NCALD: variants seen among roughly 807,000 people sequenced by gnomAD.
NCALD encodes neurocalcin delta.
NCALD carries 10 observed loss-of-function variants against 18.6 expected under a neutral mutation model. That is an observed-to-expected ratio of 0.54 (90% CI 0.33 to 0.91). The LOEUF is 0.91. Ranked by LOEUF, NCALD falls within the 40% of genes least tolerant of loss-of-function variation. The pLI, the probability that NCALD is intolerant of heterozygous loss-of-function variation, is 0.03. For synonymous variants in NCALD, 88 were observed against 87.4 expected (o/e 1.01, Z -0.04); for missense variants, 184 against 247.6 (o/e 0.74, Z 1.72).
intron 3 of NCALD, among the ~76,000 whole-genome samples, chr8:101,900,978 A>G (rs1349952593): frequency 6.6e-6 from 1 of 151,956 alleles, no homozygotes; most frequent in South Asian, 2.1e-4. Flanking sequence ...TTTCAGTTCT[A>G]TCAGTTTTGT....
At chr8:101,756,707 G>T (rs1376268008) in intron 1 of NCALD, among the ~76,000 whole-genome samples, 1 of 152,242 alleles carries the variant, frequency 6.6e-6, no homozygotes, top group Non-Finnish European at 1.5e-5. Flanking sequence ...ACTGCCGTTT[G>T]TGAGTGGTTC....
At chr8:101,797,004 C>A (rs189226806) in intron 4 of NCALD, among the ~76,000 whole-genome samples, 2 of 152,226 alleles carry the variant, frequency 1.3e-5, no homozygotes, top group Non-Finnish European at 2.9e-5. Flanking sequence ...GACCTGGAAG[C>A]CCCTCCCTAC....
At chr8:101,828,827 G>A (rs1814050976) in intron 4 of NCALD, among the ~76,000 whole-genome samples, 1 of 151,878 alleles carries the variant, frequency 6.6e-6, no homozygotes, top group South Asian at 2.1e-4. Flanking sequence ...ATGAGAGCTG[G>A]GTTTTTCGAC....
At chr8:102,081,560 A>C (rs985017730) in intron 1 of NCALD, among the ~76,000 whole-genome samples, 6 of 118,610 alleles carry the variant, frequency 5.1e-5, no homozygotes, top group South Asian at 2.7e-4. Context: ...AAAAAAAAAA[A>C]AAAAAAAAAA....
At chr8:102,117,708 CTTT>C (rs1297456428) in intron 1 of NCALD, among the ~76,000 whole-genome samples, 1 of 151,916 alleles carries the variant, frequency 6.6e-6, no homozygotes, top group East Asian at 1.9e-4. Context: ...GGAAAATATT[CTTT>C]TTATCTAAAC....
chr8:102,049,827 G>T (rs1028738574), intron 1 of NCALD, among the ~76,000 whole-genome samples: 1 of 151,974 alleles, frequency 6.6e-6, no homozygotes, highest in Non-Finnish European at 1.5e-5. Flanking sequence ...TCTCTTCTTT[G>T]GTGAGGTATC....
intron 2 of NCALD, chr8:101,986,614 T>C (rs1180832139): frequency 1.3e-5 from 2 of 152,306 alleles, no homozygotes. Flanking sequence ...TCTGACTCTA[T>C]GCAGCTTTGC....
At chr8:102,023,939 C>A (rs1822367723) in intron 1 of NCALD, among the ~76,000 whole-genome samples, 1 of 152,180 alleles carries the variant, frequency 6.6e-6, no homozygotes, top group Non-Finnish European at 1.5e-5. Context: ...AGTGGCCCCT[C>A]TGTGACATTA....
intron 2 of NCALD, among the ~76,000 whole-genome samples, chr8:101,967,958 C>T (rs746511910): frequency 1.3e-5 from 2 of 152,118 alleles, no homozygotes; most frequent in African/African-American, 2.4e-5. Flanking sequence ...CCTCTGACAA[C>T]CCCAGTGTAG....
chr8:101,692,975 G>T, intron 2 of NCALD, 79 bp from the exon 3 acceptor site: 1 of 1,024,314 alleles, frequency 9.8e-7, no homozygotes, highest in Non-Finnish European at 1.5e-6. Context: ...CCTCCCAAAT[G>T]CGGGCTGAAG....
intron 2 of NCALD, among the ~76,000 whole-genome samples, chr8:102,006,289 C>T (rs942299740): frequency 2.0e-5 from 3 of 151,914 alleles, no homozygotes; most frequent in South Asian, 2.1e-4. Flanking sequence ...CAAGGCTAAA[C>T]GTAATGTTTT....
intron 2 of NCALD, among the ~76,000 whole-genome samples, chr8:101,941,796 G>T (rs889573405): frequency 2.0e-5 from 3 of 152,180 alleles, no homozygotes; most frequent in African/African-American, 7.2e-5. Context: ...AAGATTGTTT[G>T]ATATCAGCTA....
chr8:101,840,338 C>T (rs899353987), intron 4 of NCALD, among the ~76,000 whole-genome samples: 2 of 152,082 alleles, frequency 1.3e-5, no homozygotes, highest in African/African-American at 2.4e-5. Flanking sequence ...ATGAAGAGTC[C>T]ACTGCAAACT....
chr8:101,739,377 G>A lies in NCALD; in HGVS notation c.-19-19729C>T, dbSNP rs549349499. Among the ~76,000 whole-genome samples the A allele has an allele frequency of 4.0e-4, 61 of 152,268 alleles. 1 individual carries two copies. Among genetic ancestry groups the A allele is most frequent in the South Asian group, 3.3e-3 (16 of 4,820 alleles). On this transcript the variant is annotated intron_variant, in intron 1 of 3. Transcript: ENST00000220931. ...TACTAACAGTTTTATTTAGTTTAGT[G>A]TCTATCTTTCCCTGTGTGATGGTTA...
chr8:101,769,179 C>A (rs1455732036), intron 1 of NCALD, among the ~76,000 whole-genome samples: 2 of 152,198 alleles, frequency 1.3e-5, no homozygotes, highest in Non-Finnish European at 2.9e-5. Flanking sequence ...ACCTCCAGAA[C>A]TGTAAAATAA....
chr8:101,738,060 T>C (rs1380588677), intron 1 of NCALD, among the ~76,000 whole-genome samples: 1 of 152,192 alleles, frequency 6.6e-6, no homozygotes, highest in Non-Finnish European at 1.5e-5. Flanking sequence ...CTGTCTGTGG[T>C]CATCTTTTCA....
chr8:101,909,405 C>A (rs1817714174), intron 3 of NCALD, among the ~76,000 whole-genome samples: 1 of 152,140 alleles, frequency 6.6e-6, no homozygotes, highest in Non-Finnish European at 1.5e-5. Flanking sequence ...AAGAAATGCC[C>A]TCCTGTGAAG....
At chr8:101,690,004 G>C (rs1427953358) in intron 3 of NCALD, among the ~76,000 whole-genome samples, 1 of 152,146 alleles carries the variant, frequency 6.6e-6, no homozygotes, top group Non-Finnish European at 1.5e-5. Context: ...GGAAGAGCAG[G>C]GTATGTTCAA....
intron 4 of NCALD, chr8:101,872,473 A>G (rs983952414): frequency 3.6e-5 from 32 of 880,340 alleles, no homozygotes; most frequent in Admixed American, 3.3e-4. Context: ...TGATTCTTTT[A>G]TACTTTCCTT....
Sources: gnomAD v4.1 joint callset for allele counts (sites outside exome capture counted in the v4.1 genomes callset) on GRCh38, gnomAD v4.1.1 for gene constraint, MANE v1.5 for transcripts, NCBI Gene and HGNC (gene_info 2026-07-23, HGNC 2026-07-21) for gene names.